ADNP: variants seen among roughly 807,000 people sequenced by gnomAD.
The protein encoded by ADNP is activity dependent neuroprotector homeobox.
In ADNP, 4 loss-of-function variants were observed where a neutral mutation model predicts 84.9. That is an observed-to-expected ratio of 0.05 (90% confidence interval 0.02 to 0.11). The LOEUF is 0.11. ADNP is among the 10% of genes least tolerant of loss of function. The probability of loss-of-function intolerance (pLI) is 1.00; values close to 1 mark genes in which losing one functional copy is unlikely to be tolerated. For missense variants in ADNP, 1,132 were observed against 1,326.0 expected, an observed-to-expected ratio of 0.85 and a Z score of 2.27; for synonymous variants, 554 against 468.1, an observed-to-expected ratio of 1.18 and a Z score of -2.37.
rs1209518629 is a variant in ADNP at position 50,894,099 on chromosome 20, G to C, written c.615C>G (p.Leu205=). The C allele has an allele frequency of 6.2e-7, 1 of 1,614,180 alleles. No individual in the cohort carries two copies. The highest frequency in any genetic ancestry group is 8.5e-7 in the Non-Finnish European group (1 of 1,180,028). ...TCGAGCCTAAGGGGACTGCCCCATT[G>C]AGTGATTTTTCTCCTGCCTTTGCTA... ...PYIAKAGEKS[L]NGAVPLGSNA... The change falls in exon 6 of 6, where the codon CTC becomes CTG. Residue 205 remains leucine (L), a synonymous_variant. Coordinates refer to ENST00000621696, the MANE Select transcript of ADNP (RefSeq NM_001282531.3).
chr20:50,930,564 G>A (rs957127007), intron 1 of ADNP, among the ~76,000 whole-genome samples: 7 of 152,106 alleles, frequency 4.6e-5, no homozygotes, highest in African/African-American at 1.4e-4. Context: ...GCCTCGGTGG[G>A]CTCACAGGGC....
chr20:50,913,985 A>T, intron 2 of ADNP: 1 of 744,534 alleles, frequency 1.3e-6, no homozygotes, highest in Non-Finnish European at 2.5e-6. Flanking sequence ...GGCCAGAATG[A>T]GACTGTAAAA....
Position 50,930,823 on chromosome 20 carries a change from T to C in ADNP, c.-265+3A>G, listed in dbSNP as rs1984684615. ...GGTCCGCGCGCGGCGGCGCCGGGCT[T>C]ACCTTGACTCGGCCTCGAGGCGCGC... On this transcript the variant is annotated splice_donor_region_variant and intron_variant, in intron 1 of 5. Transcript: ENST00000621696. The C allele has an allele frequency of 6.8e-6, 1 of 147,162 alleles. No individual in the cohort carries two copies. Among genetic ancestry groups the C allele is most frequent in the Admixed American group, 6.8e-5 (1 of 14,794 alleles). The allele number at this position is 147,162 out of a possible 1,614,324, so 9.1% of individuals were successfully genotyped here. A position where few individuals can be genotyped will look rare whatever the true frequency, so the allele number is the denominator to read the frequency against.
intron 1 of ADNP, among the ~76,000 whole-genome samples, chr20:50,930,311 G>A (rs940777336): frequency 2.0e-5 from 3 of 152,074 alleles, no homozygotes; most frequent in Admixed American, 2.0e-4. Flanking sequence ...GATTGCACAG[G>A]GGAGGCAAAG....
chr20:50,907,277 T>TC (rs1341132848), intron 2 of ADNP, among the ~76,000 whole-genome samples: 2 of 149,492 alleles, frequency 1.3e-5, no homozygotes, highest in Non-Finnish European at 3.0e-5. Flanking sequence ...GGCATTTTTT[T>TC]TTTTTGAGAC....
intron 1 of ADNP, among the ~76,000 whole-genome samples, chr20:50,929,974 G>A (rs951970473): frequency 2.0e-5 from 3 of 151,944 alleles, no homozygotes; most frequent in African/African-American, 4.8e-5. Context: ...CAGACCTAGA[G>A]TCTTGGTCTT....
chr20:50,891,929 G>C lies in ADNP; in HGVS notation c.2785C>G (p.Gln929Glu), dbSNP rs143425387. The change falls in exon 6 of 6, where the codon CAA becomes GAA. Residue 929 changes from glutamine (Q) to glutamate (E), a missense_variant. Transcript: ENST00000621696. ...DASESEEKLD[Q>E]KEDGSKYETI... ...TCGTATTTTGAACCATCCTCTTTTT[G>C]GTCTAGCTTCTCCTCAGATTCTGAA... is the stretch of plus-strand genomic sequence containing the variant. The C allele has an allele frequency of 8.7e-6, 14 of 1,613,918 alleles. No homozygotes were observed. The African/African-American group carries it at 1.7e-4, about 20-fold the overall frequency.
intron 5 of ADNP, among the ~76,000 whole-genome samples, chr20:50,895,209 G>A (rs1483068671): frequency 6.6e-6 from 1 of 152,162 alleles, no homozygotes; most frequent in African/African-American, 2.4e-5. Flanking sequence ...AATGTATCAT[G>A]GTGTGAAATC....
chr20:50,917,751 T>C (rs774527019), intron 2 of ADNP, among the ~76,000 whole-genome samples: 2 of 152,092 alleles, frequency 1.3e-5, no homozygotes, highest in African/African-American at 2.4e-5. Context: ...GGACCACACA[T>C]AAACTCGTGT....
intron 4 of ADNP, 138 bp from the exon 5 acceptor site, chr20:50,902,247 G>A: frequency 1.6e-6 from 1 of 611,038 alleles, no homozygotes. Context: ...AACTAGGAGT[G>A]ATAAGGCTCT....
In ADNP at chr20:50,894,245, C is replaced by A. The variant is rs557449743; in HGVS notation, c.469G>T (p.Ala157Ser). Residue 157 changes from alanine to serine, a missense_variant, in exon 6 of 6, where the codon GCT becomes TCT. Physicochemically the swap from Ala to Ser is moderately conservative, Grantham distance 99 (BLOSUM62 1). Transcript: ENST00000621696. ...TAAACAGCTTGCTCTACACTGTCAG[C>A]CTGCTTAGGTTTAAGGCCATCATTT... ...NKNDGLKPKQ[A>S]DSVEQAVYYC... 7.4e-6 allele frequency: 12 copies of A among 1,614,012 alleles called. No homozygotes were observed. The highest frequency in any genetic ancestry group is 1.0e-5 in the Non-Finnish European group (12 of 1,180,038).
At position 50,931,128 on chromosome 20, in the gene ADNP, C is replaced by T. The variant is rs146605240; in HGVS notation, c.-567G>A. 0.068 allele frequency: 10,393 copies of T among 151,898 alleles called. 372 individuals carry two copies. The highest frequency in any genetic ancestry group is 0.13 in the Middle Eastern group (37 of 294). The allele number at this position is 151,898 out of a possible 1,614,324, so 9.4% of individuals were successfully genotyped here. On this transcript the variant is annotated 5_prime_UTR_variant, in exon 1 of 6. Coordinates refer to ENST00000621696, the MANE Select transcript of ADNP (RefSeq NM_001282531.3). ...GCGGCTTCACCGGCGCGGGCGGCGG[C>T]GGCCGCGCTCCTCTCGCTCCTCAGC...
chr20:50,899,702 G>A (rs984676486), intron 5 of ADNP, among the ~76,000 whole-genome samples: 20 of 151,698 alleles, frequency 1.3e-4, no homozygotes, highest in Middle Eastern at 3.2e-3. Flanking sequence ...CTGTGAAGGT[G>A]GCAATGGTAA....
chr20:50,913,605 G>A (rs1568735251), intron 2 of ADNP: 2 of 169,704 alleles, frequency 1.2e-5, no homozygotes. Context: ...TCAGTTAACT[G>A]CTACCTGTGA....
At chr20:50,925,629 A>C (rs1984240651) in intron 2 of ADNP, among the ~76,000 whole-genome samples, 1 of 152,238 alleles carries the variant, frequency 6.6e-6, no homozygotes, top group South Asian at 2.1e-4. Context: ...GCCAAAGTAA[A>C]AACAAGAAAC....
intron 2 of ADNP, among the ~76,000 whole-genome samples, chr20:50,907,778 T>C (rs1392367375): frequency 6.6e-6 from 1 of 151,362 alleles, no homozygotes; most frequent in Non-Finnish European, 1.5e-5. Flanking sequence ...TGTTTTTTTT[T>C]GTAGAGATGG....
rs542930952 is a variant in ADNP at position 50,889,780 on chromosome 20, C to T, written c.*1625G>A. The T allele has an allele frequency of 2.3e-5, 9 of 397,900 alleles. No individual in the cohort carries two copies. Among genetic ancestry groups the T allele is most frequent in the African/African-American group, 1.8e-4 (9 of 48,686 alleles). 24.6% of individuals were successfully genotyped at this position (397,900 alleles called of 1,614,324 possible). ...CTTTCTGCTTTTTAGTACAAGTTCTCTTGGGAATCTACGCATGGTAAAAAT... is the reference window on the plus strand; with the variant it reads ...CTTTCTGCTTTTTAGTACAAGTTCTTTTGGGAATCTACGCATGGTAAAAAT... On this transcript the variant is annotated 3_prime_UTR_variant, in exon 6 of 6. Coordinates refer to ENST00000621696, the MANE Select transcript of ADNP (RefSeq NM_001282531.3).
In ADNP at chr20:50,893,208, A is replaced by G. The variant is rs1465602795; in HGVS notation, c.1506T>C (p.Thr502=). ...CATGAATTAACATATGGTTGAGCAGAGTATCTGTGGGTAAATAGCGATTAC... is the reference window on the plus strand; with the variant it reads ...CATGAATTAACATATGGTTGAGCAGGGTATCTGTGGGTAAATAGCGATTAC... ...LYCNRYLPTD[T]LLNHMLIHGL... The change falls in exon 6 of 6, where the codon ACT becomes ACC. Residue 502 remains threonine, a synonymous_variant. Transcript: ENST00000621696. This position sits in a 1 kb window ranked among gnomAD's most constrained non-coding sequence, Gnocchi z 4.4. 1 of 1,614,258 alleles carries G rather than the reference A, an allele frequency of 6.2e-7. No individual in the cohort carries two copies. The highest frequency in any genetic ancestry group is 1.7e-5 in the Admixed American group (1 of 60,036).
chr20:50,921,423 G>A (rs1983949186), intron 2 of ADNP, among the ~76,000 whole-genome samples: 1 of 152,098 alleles, frequency 6.6e-6, no homozygotes, highest in Non-Finnish European at 1.5e-5. Flanking sequence ...AATAAACCCA[G>A]GTGACTTACA....
Sources: allele counts gnomAD v4.1 joint callset (sites outside exome capture counted in the v4.1 genomes callset), GRCh38; gene constraint gnomAD v4.1.1; non-coding constraint Gnocchi (gnomAD v3.1); transcripts MANE v1.5; gene names NCBI Gene and HGNC (gene_info 2026-07-23, HGNC 2026-07-21).